The following CAMK2A variants were observed in gnomAD, a reference collection of about 807,000 sequenced individuals.
CAMK2A encodes calcium/calmodulin dependent protein kinase II alpha.
Under a neutral mutation model 79.2 loss-of-function variants are expected in CAMK2A, and 7 were observed. The ratio of observed to expected loss-of-function variants is 0.09; its 90% CI spans 0.05 to 0.17. The LOEUF is 0.17. CAMK2A is among the 10% of genes least tolerant of loss of function. The probability of loss-of-function intolerance (pLI) is 1.00; values close to 1 mark genes in which losing one functional copy is unlikely to be tolerated. For synonymous variants in CAMK2A, 242 were observed against 251.7 expected (o/e 0.96, Z 0.36); for missense variants, 214 against 646.4 (o/e 0.33, Z 7.25).
intron 1 of CAMK2A, among the ~76,000 whole-genome samples, chr5:150,274,609 T>G (rs904883637): frequency 6.6e-6 from 1 of 151,850 alleles, no homozygotes; most frequent in African/African-American, 2.4e-5. Flanking sequence ...AAGAAGAGAG[T>G]CTCCTGGGCA....
At chr5:150,232,069 A>T (rs1013031632) in intron 15 of CAMK2A, among the ~76,000 whole-genome samples, 1 of 152,214 alleles carries the variant, frequency 6.6e-6, no homozygotes, top group Non-Finnish European at 1.5e-5. Flanking sequence ...CCGTCTTATT[A>T]GATGTGTGAT....
At chr5:150,238,829 G>A (rs17111082) in intron 14 of CAMK2A, 81 bp from the exon 15 acceptor site, 15 of 1,256,158 alleles carry the variant, frequency 1.2e-5, no homozygotes, top group Admixed American at 7.7e-5. Flanking sequence ...GCCTGGTGAC[G>A]CGGCTGGTTT....
chr5:150,264,960 G>A lies in CAMK2A; in HGVS notation c.213C>T (p.Asn71=). The A allele has an allele frequency of 1.2e-6, 2 of 1,613,646 alleles. No individual in the cohort carries two copies. The highest frequency in any genetic ancestry group is 1.7e-6 in the Non-Finnish European group (2 of 1,179,586). The change falls in exon 3 of 19, where the codon AAC becomes AAT. Residue 71 remains asparagine (N), a synonymous_variant. Coordinates refer to ENST00000671881, the MANE Select transcript of CAMK2A (RefSeq NM_015981.4). Reference sequence around the variant, plus strand: ...CTCTCATCCCACAAGGCTCACCGATGTTGGGGTGCTTCAGCAGGCGGCAGA... The same window carrying A: ...CTCTCATCCCACAAGGCTCACCGATATTGGGGTGCTTCAGCAGGCGGCAGA... The part of the protein sequence containing the change: ...ARICRLLKHP[N]IVRLHDSISE...
At position 150,220,270 on chromosome 5, in the gene CAMK2A, A is replaced by G. The variant is rs1754240529; in HGVS notation, c.*2440T>C. On this transcript the variant is annotated 3_prime_UTR_variant, in exon 19 of 19. Transcript: ENST00000671881. The stretch of plus-strand genomic sequence containing the variant: ...TGGTCAGAGCTGGGAATTGAAGCCT[A>G]CTCACCCCAAATCACTGCTCTTTCC... 6.6e-6 allele frequency: 1 copy of G among 152,136 alleles called. No homozygotes were observed. Among genetic ancestry groups the G allele is most frequent in the African/African-American group, 2.4e-5 (1 of 41,402 alleles). The allele number at this position is 152,136 out of a possible 1,614,324, so 9.4% of individuals were successfully genotyped here.
At chr5:150,257,765 C>G in intron 3 of CAMK2A, 148 bp from the exon 4 acceptor site, 2 of 663,358 alleles carry the variant, frequency 3.0e-6, no homozygotes, top group Non-Finnish European at 5.5e-6. Context: ...TTGACAAGCG[C>G]TGGTGAACAA....
chr5:150,280,334 A>G (rs937971627), intron 1 of CAMK2A, among the ~76,000 whole-genome samples: 3 of 152,046 alleles, frequency 2.0e-5, no homozygotes, highest in Non-Finnish European at 4.4e-5. Flanking sequence ...CCCTTACGGT[A>G]GTCTTTAGTG....
At chr5:150,248,057 G>A (rs1003523233) in intron 11 of CAMK2A, among the ~76,000 whole-genome samples, 6 of 152,108 alleles carry the variant, frequency 3.9e-5, no homozygotes, top group Non-Finnish European at 7.4e-5. Context: ...GGACAAGGCC[G>A]TCCTAGGGGC....
rs557605702 is a variant in CAMK2A at position 150,280,004 on chromosome 5, A to T, written c.63-6845T>A. On this transcript the variant is annotated intron_variant, in intron 1 of 18. Transcript: ENST00000671881. ...GCAGCTCCAGCAGCACTAGATGGGG[A>T]GTCAGAAGTCCTGAGCCCTCACTCA... is the stretch of plus-strand genomic sequence containing the variant. Among the ~76,000 whole-genome samples, 3 of 152,276 alleles carry T rather than the reference A, an allele frequency of 2.0e-5. No individual in the cohort carries two copies. The South Asian group carries it at 6.2e-4, about 32-fold the overall frequency.
intron 9 of CAMK2A, 121 bp from the exon 10 acceptor site, chr5:150,250,931 C>T: frequency 8.7e-7 from 1 of 1,147,908 alleles, no homozygotes; most frequent in Non-Finnish European, 1.3e-6. Flanking sequence ...CGGACATCCA[C>T]ACCAGGAGGA....
chr5:150,236,499 T>C (rs779734823), intron 15 of CAMK2A, among the ~76,000 whole-genome samples: 16 of 152,256 alleles, frequency 1.1e-4, no homozygotes, highest in Non-Finnish European at 1.2e-4. Context: ...CTATTTTCAT[T>C]ACCTCTTTAC....
At chr5:150,224,903 G>A (rs895412289) in intron 17 of CAMK2A, among the ~76,000 whole-genome samples, 3 of 152,072 alleles carry the variant, frequency 2.0e-5, no homozygotes, top group African/African-American at 7.2e-5. Flanking sequence ...ACTCACTCCT[G>A]TAATTCCAAC....
At chr5:150,228,532 G>A (rs919974497) in intron 16 of CAMK2A, among the ~76,000 whole-genome samples, 1 of 152,220 alleles carries the variant, frequency 6.6e-6, no homozygotes, top group African/African-American at 2.4e-5. Context: ...CCCCAAGCAA[G>A]TGGCTTAATC....
At chr5:150,266,249 C>A (rs1756508221) in intron 2 of CAMK2A, among the ~76,000 whole-genome samples, 1 of 152,162 alleles carries the variant, frequency 6.6e-6, no homozygotes, top group Non-Finnish European at 1.5e-5. Context: ...CTGCTGGGAA[C>A]AGTGGGACAC....
intron 7 of CAMK2A, among the ~76,000 whole-genome samples, chr5:150,252,440 C>T (rs1580924555): frequency 6.6e-6 from 1 of 152,194 alleles, no homozygotes; most frequent in South Asian, 2.1e-4. Context: ...AGATGAAATG[C>T]ACCTGCCATG....
In CAMK2A at chr5:150,273,059, A is replaced by G. The variant is rs201742909; in HGVS notation, c.157+6T>C. ...AGGGTGGGCAGGGTAGAAATCAGGC[A>G]CCTACCTCTGGCTGACAGCTTCTTT... On this transcript the variant is annotated splice_donor_region_variant and intron_variant, in intron 2 of 18. Coordinates refer to ENST00000671881, the MANE Select transcript of CAMK2A (RefSeq NM_015981.4). 1.2e-6 allele frequency: 2 copies of G among 1,611,540 alleles called. No individual in the cohort carries two copies. Among genetic ancestry groups the G allele is most frequent in the African/African-American group, 1.3e-5 (1 of 74,678 alleles).
rs1331999283 is a variant in CAMK2A at position 150,273,139 on chromosome 5, C to T, written c.83G>A (p.Arg28Gln). The T allele has an allele frequency of 1.2e-6, 2 of 1,604,052 alleles. No homozygotes were observed. The highest frequency in any genetic ancestry group is 1.7e-6 in the Non-Finnish European group (2 of 1,175,804). Reference protein sequence around the residue: ...ELGKGAFSVVRRCVKVLAGQE... With the variant: ...ELGKGAFSVVQRCVKVLAGQE... The stretch of plus-strand genomic sequence containing the variant: ...GCCAGCCAGCACCTTCACACACCTT[C>T]GCACCACCGAGAAGGCTCCCCTAGG... Residue 28 changes from arginine to glutamine, a missense_variant, in exon 2 of 19, where the codon CGA (arginine) becomes CAA (glutamine). By Grantham distance (43) the Arg-to-Gln change is conservative. This residue lies in a region of CAMK2A where 72 missense variants were observed against 333.9 expected (regional missense o/e 0.22). Coordinates refer to ENST00000671881, the MANE Select transcript of CAMK2A (RefSeq NM_015981.4).
At position 150,256,515 on chromosome 5, in the gene CAMK2A, G is replaced by A. The variant is rs1321031289; in HGVS notation, c.411+58C>T. ...TAATGTCCAGCTCTGCAGGATTAGGGACGTGCAGAGGAGAGAGGGGCTCCC... is the reference window on the plus strand; with the variant it reads ...TAATGTCCAGCTCTGCAGGATTAGGAACGTGCAGAGGAGAGAGGGGCTCCC... On this transcript the variant is annotated intron_variant, in intron 6 of 18. Coordinates refer to ENST00000671881, the MANE Select transcript of CAMK2A (RefSeq NM_015981.4). This position sits in a 1 kb window ranked among gnomAD's most constrained non-coding sequence, Gnocchi z 4.6. 2 of 1,132,048 alleles carry A rather than the reference G, an allele frequency of 1.8e-6. No individual in the cohort carries two copies. Among genetic ancestry groups the A allele is most frequent in the Non-Finnish European group, 2.7e-6 (2 of 745,354 alleles). 70.1% of individuals were successfully genotyped at this position (1,132,048 alleles called of 1,614,324 possible).
chr5:150,250,381 C>CA, intron 10 of CAMK2A, 72 bp from the exon 11 acceptor site: 2 of 1,248,758 alleles, frequency 1.6e-6, no homozygotes, highest in East Asian at 4.7e-5. Context: ...GGGTACCCTT[C>CA]AGCAGGGCAT....
intron 17 of CAMK2A, among the ~76,000 whole-genome samples, chr5:150,224,786 G>C (rs967639629): frequency 6.6e-6 from 1 of 152,074 alleles, no homozygotes; most frequent in Non-Finnish European, 1.5e-5. Context: ...CCATTCCACA[G>C]ATATGCAAAC....
Sources: allele counts gnomAD v4.1 joint callset (sites outside exome capture counted in the v4.1 genomes callset), GRCh38; gene constraint gnomAD v4.1.1; regional missense constraint gnomAD v4.1.1; non-coding constraint Gnocchi (gnomAD v3.1); transcripts MANE v1.5; gene names NCBI Gene and HGNC (gene_info 2026-07-23, HGNC 2026-07-21).